MAPKAP1: variants seen among roughly 807,000 people sequenced by gnomAD.
MAPKAP1 encodes the protein target of rapamycin complex 2 subunit MAPKAP1.
MAPKAP1 carries 20 observed loss-of-function variants against 65.7 expected under a neutral mutation model. The observed-to-expected ratio is 0.30, with a 90% CI of 0.21 to 0.44. The LOEUF (loss-of-function observed/expected upper bound fraction) is 0.44. Ranked by LOEUF, MAPKAP1 falls within the 20% of genes least tolerant of loss-of-function variation. The pLI, the probability that MAPKAP1 is intolerant of heterozygous loss-of-function variation, is 1.00. For synonymous variants in MAPKAP1, 222 were observed against 244.3 expected, an observed-to-expected ratio of 0.91 and a Z score of 0.85; for missense variants, 423 against 648.0, an observed-to-expected ratio of 0.65 and a Z score of 3.77.
chr9:125,685,994 T>A (rs1834962654), intron 1 of MAPKAP1, among the ~76,000 whole-genome samples: 2 of 152,174 alleles, frequency 1.3e-5, no homozygotes, highest in Non-Finnish European at 2.9e-5. Flanking sequence ...ATGTTTCCAC[T>A]TACCTGGTCT....
intron 7 of MAPKAP1, among the ~76,000 whole-genome samples, chr9:125,528,874 G>T: frequency 8.5e-6 from 1 of 117,274 alleles, no homozygotes; most frequent in African/African-American, 3.3e-5. Flanking sequence ...AAAAAAAAAA[G>T]GAAGGACTAG....
intron 10 of MAPKAP1, among the ~76,000 whole-genome samples, chr9:125,455,062 TA>T (rs943524051): frequency 5.3e-5 from 8 of 151,224 alleles, no homozygotes; most frequent in South Asian, 2.1e-4. Flanking sequence ...AAAACAAAAA[TA>T]AAAAAAATGA....
intron 9 of MAPKAP1, among the ~76,000 whole-genome samples, chr9:125,482,928 G>A (rs893446522): frequency 6.6e-6 from 1 of 152,168 alleles, no homozygotes; most frequent in Non-Finnish European, 1.5e-5. Flanking sequence ...ATGTGCTGCG[G>A]CATTTCATCC....
At chr9:125,694,425 C>T (rs1835323721) in intron 1 of MAPKAP1, among the ~76,000 whole-genome samples, 1 of 152,032 alleles carries the variant, frequency 6.6e-6, no homozygotes. Context: ...GCATTTACTA[C>T]AATTTGAATG....
At chr9:125,674,163 C>T (rs1554841187) in intron 1 of MAPKAP1, among the ~76,000 whole-genome samples, 2 of 148,758 alleles carry the variant, frequency 1.3e-5, no homozygotes, top group African/African-American at 4.9e-5. Context: ...TTGAGCCTCC[C>T]TTTTTTTTTT....
At chr9:125,677,906 C>CA (rs1189411289) in intron 1 of MAPKAP1, among the ~76,000 whole-genome samples, 1 of 151,982 alleles carries the variant, frequency 6.6e-6, no homozygotes, top group Non-Finnish European at 1.5e-5. Context: ...AGAGATGTCC[C>CA]AAAATAACAC....
intron 7 of MAPKAP1, among the ~76,000 whole-genome samples, chr9:125,533,584 G>C (rs914884309): frequency 6.6e-6 from 1 of 151,990 alleles, no homozygotes; most frequent in African/African-American, 2.4e-5. Context: ...CTGAGTACCT[G>C]GGATTACAGG....
At chr9:125,474,194 C>T (rs1854024315) in intron 9 of MAPKAP1, among the ~76,000 whole-genome samples, 1 of 152,142 alleles carries the variant, frequency 6.6e-6, no homozygotes, top group Admixed American at 6.5e-5. Context: ...TCCCTGGGAC[C>T]TTCTCTACAT....
At chr9:125,542,992 A>T (rs561311629) in intron 7 of MAPKAP1, 67 bp downstream of exon 7, 2 of 1,035,418 alleles carry the variant, frequency 1.9e-6, no homozygotes, top group Non-Finnish European at 3.1e-6. Flanking sequence ...ACACACACAC[A>T]CCCCCTATGC....
chr9:125,437,575 G>A lies in MAPKAP1; in HGVS notation c.*1312C>T, dbSNP rs555521161. The A allele has an allele frequency of 3.3e-5, 5 of 152,716 alleles. No homozygotes were observed. The East Asian group carries it at 9.6e-4, about 29-fold the overall frequency. 9.5% of individuals were successfully genotyped at this position (152,716 alleles called of 1,614,324 possible). On this transcript the variant is annotated 3_prime_UTR_variant, in exon 12 of 12. Coordinates refer to ENST00000265960, the MANE Select transcript of MAPKAP1 (RefSeq NM_001006617.3). ...TTTTGGGTGGGGGGTAGGAATGGAA[G>A]ACATTAGAAAAGGACGCTCCTGTTG...
At chr9:125,470,110 C>A (rs946264042) in intron 9 of MAPKAP1, among the ~76,000 whole-genome samples, 2 of 152,150 alleles carry the variant, frequency 1.3e-5, no homozygotes, top group Admixed American at 1.3e-4. Flanking sequence ...AAATTTTGTT[C>A]TATGCCCCTA....
At chr9:125,666,966 T>A (rs1443595153) in intron 3 of MAPKAP1, among the ~76,000 whole-genome samples, 1 of 152,082 alleles carries the variant, frequency 6.6e-6, no homozygotes, top group East Asian at 1.9e-4. Context: ...GGAATAACAG[T>A]TCAAGCATGA....
intron 4 of MAPKAP1, among the ~76,000 whole-genome samples, chr9:125,632,300 C>T (rs1260124508): frequency 1.3e-5 from 2 of 151,922 alleles, no homozygotes; most frequent in African/African-American, 4.8e-5. Context: ...TTATAATTGT[C>T]TGACTTCCCT....
At chr9:125,572,447 C>G (rs146862068) in intron 5 of MAPKAP1, among the ~76,000 whole-genome samples, 12 of 152,316 alleles carry the variant, frequency 7.9e-5, no homozygotes, top group African/African-American at 2.9e-4. Flanking sequence ...TAAAGCAAAT[C>G]AGTCTTACCA....
chr9:125,679,029 T>A (rs1251286189), intron 1 of MAPKAP1, among the ~76,000 whole-genome samples: 1 of 149,978 alleles, frequency 6.7e-6, no homozygotes, highest in African/African-American at 2.5e-5. Context: ...TGAGATGGAG[T>A]CTCGCACTGT....
chr9:125,561,447 T>A (rs1830889852), intron 5 of MAPKAP1, among the ~76,000 whole-genome samples: 1 of 152,268 alleles, frequency 6.6e-6, no homozygotes, highest in Non-Finnish European at 1.5e-5. Context: ...AATCTAGCTA[T>A]GTTTGTCACT....
intron 4 of MAPKAP1, among the ~76,000 whole-genome samples, chr9:125,649,798 C>CAAAAAAAAAAAAAAA (rs35503728): frequency 2.6e-5 from 2 of 76,220 alleles, no homozygotes. Context: ...AACTCCGTCT[C>CAAAAAAAAAAAAAAA]AAAAAAAAAA....
intron 6 of MAPKAP1, among the ~76,000 whole-genome samples, chr9:125,553,178 C>T (rs79887797): frequency 2.6e-5 from 4 of 152,246 alleles, no homozygotes; most frequent in African/African-American, 9.6e-5. Context: ...GAGCCCTGAG[C>T]CACTGCCTAG....
At chr9:125,488,593 G>A (rs372461692) in intron 8 of MAPKAP1, among the ~76,000 whole-genome samples, 74 of 152,252 alleles carry the variant, frequency 4.9e-4, no homozygotes, top group African/African-American at 1.5e-3. Flanking sequence ...TTATCCACCC[G>A]CCTCGGCCTC....
Sources: gnomAD v4.1 joint callset for allele counts (sites outside exome capture counted in the v4.1 genomes callset) on GRCh38, gnomAD v4.1.1 for gene constraint, MANE v1.5 for transcripts, NCBI Gene and HGNC (gene_info 2026-07-23, HGNC 2026-07-21) for gene names.